RBFOX1: variants seen among roughly 807,000 people sequenced by gnomAD.
RBFOX1 encodes the protein RNA binding fox-1 homolog 1.
Under a neutral mutation model 57.7 loss-of-function variants are expected in RBFOX1, and 8 were observed. The ratio of observed to expected loss-of-function variants is 0.14; its 90% confidence interval spans 0.08 to 0.25. RBFOX1 has a LOEUF of 0.25. Ranked by LOEUF, RBFOX1 falls within the 10% of genes least tolerant of loss-of-function variation. The probability of loss-of-function intolerance (pLI) is 1.00; values close to 1 mark genes in which losing one functional copy is unlikely to be tolerated. For missense variants in RBFOX1, 611 were observed against 548.5 expected (o/e 1.11, Z -1.14); for synonymous variants, 326 against 222.4 (o/e 1.47, Z -4.15).
chr16:5,249,692 G>C (rs1455764823), intron 1 of RBFOX1, among the ~76,000 whole-genome samples: 1 of 152,224 alleles, frequency 6.6e-6, no homozygotes, highest in African/African-American at 2.4e-5. Flanking sequence ...ATGCAGACCA[G>C]GTGTGGTGGC....
At chr16:6,617,260 T>C (rs1279799721) in intron 2 of RBFOX1, among the ~76,000 whole-genome samples, 1 of 151,838 alleles carries the variant, frequency 6.6e-6, no homozygotes, top group Non-Finnish European at 1.5e-5. Context: ...GAAGCAAATA[T>C]TGTCTAGAGT....
chr16:6,040,411 A>T (rs2095423323), intron 1 of RBFOX1, among the ~76,000 whole-genome samples: 1 of 152,156 alleles, frequency 6.6e-6, no homozygotes, highest in Admixed American at 6.5e-5. Context: ...TTCTGTGTTT[A>T]TGATTTTAAC....
intron 2 of RBFOX1, among the ~76,000 whole-genome samples, chr16:6,558,142 A>G (rs559427561): frequency 6.6e-6 from 1 of 152,282 alleles, no homozygotes; most frequent in South Asian, 2.1e-4. Context: ...TTCAAAAAAT[A>G]TCGGTTGCCC....
intron 5 of RBFOX1, among the ~76,000 whole-genome samples, chr16:7,528,812 A>C (rs1567681269): frequency 1.3e-5 from 2 of 152,232 alleles, no homozygotes; most frequent in South Asian, 2.1e-4. Flanking sequence ...TTTTGAATTC[A>C]AGGCTGGAAA....
rs565082784 is a variant in RBFOX1 at position 5,889,820 on chromosome 16, C to T, written c.351+22485C>T. Among the ~76,000 whole-genome samples, 249 of 152,280 alleles carry T rather than the reference C, an allele frequency of 1.6e-3. 1 individual carries two copies. The Middle Eastern group carries it at 0.034, about 21-fold the overall frequency. On this transcript the variant is annotated intron_variant, in intron 4 of 19. Coordinates refer to the RBFOX1 transcript ENST00000641259. ...TAGGTGTTGGCAAGACAAAAGCAGA[C>T]GCAACAGCCTGTAGTCGAGTGGTTT...
chr16:6,394,832 A>T (rs2092755736), intron 2 of RBFOX1, among the ~76,000 whole-genome samples: 1 of 152,300 alleles, frequency 6.6e-6, no homozygotes, highest in East Asian at 1.9e-4. Flanking sequence ...TGAAAAGATC[A>T]GTTTGGGAAG....
intron 1 of RBFOX1, among the ~76,000 whole-genome samples, chr16:6,245,960 C>T (rs867460925): frequency 6.6e-6 from 1 of 152,266 alleles, no homozygotes; most frequent in Middle Eastern, 3.4e-3. Context: ...TCAAAATATG[C>T]AGTTTACTTT....
chr16:5,867,407 G>A (rs1056782942), intron 4 of RBFOX1: 31 of 937,922 alleles, frequency 3.3e-5, no homozygotes, highest in Non-Finnish European at 4.2e-5. Flanking sequence ...GGAGTGTAAC[G>A]AGCATTCTAG....
intron 4 of RBFOX1, among the ~76,000 whole-genome samples, chr16:7,077,200 C>T (rs1031077635): frequency 7.2e-5 from 11 of 152,272 alleles, no homozygotes; most frequent in African/African-American, 2.4e-4. Flanking sequence ...CATAATGCTC[C>T]AATCAGGCTA....
At chr16:7,709,275 A>T in intron 15 of RBFOX1, 144 bp downstream of exon 15, 1 of 942,514 alleles carries the variant, frequency 1.1e-6, no homozygotes, top group Non-Finnish European at 1.6e-6. Context: ...ATGCCACATT[A>T]ATCCTCCCAG....
At chr16:6,573,020 G>T (rs999003708) in intron 2 of RBFOX1, among the ~76,000 whole-genome samples, 1 of 152,160 alleles carries the variant, frequency 6.6e-6, no homozygotes. Context: ...TCTATTAAGA[G>T]ATCAAGTCAA....
At chr16:6,283,199 G>A (rs1223263875) in intron 1 of RBFOX1, among the ~76,000 whole-genome samples, 3 of 152,044 alleles carry the variant, frequency 2.0e-5, no homozygotes, top group Non-Finnish European at 4.4e-5. Context: ...TGGTGACTGA[G>A]GCCTGTATTC....
chr16:5,579,160 C>G (rs546118333), intron 2 of RBFOX1, among the ~76,000 whole-genome samples: 1 of 152,118 alleles, frequency 6.6e-6, no homozygotes, highest in African/African-American at 2.4e-5. Flanking sequence ...ACCCCTAATT[C>G]TCTAAATTGG....
At chr16:6,286,540 G>C (rs147175940) in intron 1 of RBFOX1, among the ~76,000 whole-genome samples, 3 of 152,194 alleles carry the variant, frequency 2.0e-5, no homozygotes, top group Admixed American at 6.5e-5. Flanking sequence ...GCTACCCTTA[G>C]AATATTAAGT....
At chr16:7,079,363 T>C (rs1363993853) in intron 4 of RBFOX1, among the ~76,000 whole-genome samples, 2 of 152,146 alleles carry the variant, frequency 1.3e-5, no homozygotes, top group Non-Finnish European at 1.5e-5. Context: ...AGGAAAGGTA[T>C]GCTGAGCAGG....
Position 6,634,363 on chromosome 16 carries a change from T to G in RBFOX1, c.-63-20240T>G, listed in dbSNP as rs1204917216. On this transcript the variant is annotated intron_variant, in intron 2 of 15. Coordinates refer to ENST00000550418, the MANE Select transcript of RBFOX1 (RefSeq NM_018723.4). Reference sequence around the variant, plus strand: ...TCCCAGATCCAACAACTGTCAGCTCTGTGACCTTGGGCAAAAAACCAAACC... The same window carrying G: ...TCCCAGATCCAACAACTGTCAGCTCGGTGACCTTGGGCAAAAAACCAAACC... Among the ~76,000 whole-genome samples the G allele has an allele frequency of 3.3e-5, 5 of 152,166 alleles. No individual in the cohort carries two copies. The East Asian group carries it at 7.7e-4, about 23-fold the overall frequency.
At chr16:6,601,367 GGAGATGAAGGTGAGAGTT>G (rs2097850830) in intron 2 of RBFOX1, among the ~76,000 whole-genome samples, 1 of 152,138 alleles carries the variant, frequency 6.6e-6, no homozygotes, top group Admixed American at 6.6e-5. Flanking sequence ...TATATTTAAT[GGAGATGAAGGTGAGAGTT>G]ACGGTGCTTT....
chr16:6,822,500 T>C (rs1487876972), intron 3 of RBFOX1, among the ~76,000 whole-genome samples: 2 of 152,152 alleles, frequency 1.3e-5, no homozygotes, highest in Admixed American at 1.3e-4. Context: ...TCAATCTGAG[T>C]TTCACAACAG....
At chr16:7,538,390 T>C (rs2082056230) in intron 5 of RBFOX1, among the ~76,000 whole-genome samples, 2 of 152,184 alleles carry the variant, frequency 1.3e-5, no homozygotes, top group African/African-American at 4.8e-5. Flanking sequence ...CTGCCACAAC[T>C]ACCTCAACTT....
Sources: allele counts gnomAD v4.1 joint callset (sites outside exome capture counted in the v4.1 genomes callset), GRCh38; gene constraint gnomAD v4.1.1; transcripts MANE v1.5; gene names NCBI Gene and HGNC (gene_info 2026-07-23, HGNC 2026-07-21).